PHLDB2: variants seen among roughly 807,000 people sequenced by gnomAD.
PHLDB2 encodes pleckstrin homology like domain family B member 2, also known as pleckstrin homology-like domain family B member 2.
In PHLDB2, 71 loss-of-function variants were observed where a neutral mutation model predicts 123.6. The ratio of observed to expected loss-of-function variants is 0.57; its 90% CI spans 0.47 to 0.70. PHLDB2 has a LOEUF of 0.70. PHLDB2 is among the 30% of genes least tolerant of loss of function. PHLDB2 has a pLI of 0.00. For missense variants in PHLDB2, 1,446 were observed against 1,519.5 expected (o/e 0.95, Z 0.80); for synonymous variants, 547 against 541.6 (o/e 1.01, Z -0.14).
At chr3:111,831,544 C>A (rs1276012685) in intron 1 of PHLDB2, among the ~76,000 whole-genome samples, 5 of 152,102 alleles carry the variant, frequency 3.3e-5, no homozygotes, top group Non-Finnish European at 5.9e-5. Flanking sequence ...CTACAACATA[C>A]CACTATAATA....
At chr3:111,776,400 G>A (rs2060268982) in intron 1 of PHLDB2, among the ~76,000 whole-genome samples, 1 of 151,990 alleles carries the variant, frequency 6.6e-6, no homozygotes, top group Non-Finnish European at 1.5e-5. Flanking sequence ...TATTTTCAAA[G>A]TATTTATAAT....
intron 2 of PHLDB2, among the ~76,000 whole-genome samples, chr3:111,851,239 G>A (rs1341463878): frequency 2.0e-5 from 3 of 148,576 alleles, no homozygotes; most frequent in African/African-American, 4.9e-5. Context: ...TGTTCTTTGC[G>A]ATTCTCCTGA....
At chr3:111,813,106 C>A (rs539066737) in intron 1 of PHLDB2, among the ~76,000 whole-genome samples, 10 of 152,230 alleles carry the variant, frequency 6.6e-5, no homozygotes, top group Admixed American at 4.6e-4. Context: ...TAAAAGACTC[C>A]AGCTGAATGG....
intron 1 of PHLDB2, among the ~76,000 whole-genome samples, chr3:111,807,946 GTT>G (rs11418818): frequency 0.24 from 20,911 of 85,652 alleles, 1,551 homozygotes; most frequent in East Asian, 0.47. Context: ...TAAGCTGGGT[GTT>G]TTTTTTTTTT....
intron 2 of PHLDB2, among the ~76,000 whole-genome samples, chr3:111,903,328 C>T (rs1374278491): frequency 1.3e-5 from 2 of 152,102 alleles, no homozygotes; most frequent in Non-Finnish European, 2.9e-5. Flanking sequence ...GAAGCAACTC[C>T]ACTATACTTA....
intron 1 of PHLDB2, among the ~76,000 whole-genome samples, chr3:111,793,055 AG>A (rs1209775508): frequency 6.6e-6 from 1 of 152,164 alleles, no homozygotes; most frequent in Non-Finnish European, 1.5e-5. Flanking sequence ...GTTCCCTCAA[AG>A]CCCAAGGGCT....
intron 1 of PHLDB2, among the ~76,000 whole-genome samples, chr3:111,814,207 G>A (rs1378760543): frequency 1.3e-5 from 2 of 152,178 alleles, no homozygotes; most frequent in Admixed American, 1.3e-4. Flanking sequence ...ATTAACATTT[G>A]AGTCAGGCTA....
intron 5 of PHLDB2, among the ~76,000 whole-genome samples, chr3:111,925,745 C>CA: frequency 6.6e-6 from 1 of 152,190 alleles, no homozygotes; most frequent in Admixed American, 6.5e-5. Flanking sequence ...ATCCCCATTC[C>CA]AAGGCAGAGC....
At chr3:111,849,919 T>G (rs1260681693) in intron 2 of PHLDB2, among the ~76,000 whole-genome samples, 1 of 151,962 alleles carries the variant, frequency 6.6e-6, no homozygotes, top group Non-Finnish European at 1.5e-5. Context: ...TAGAGTGCAG[T>G]GGCGCGATCT....
At position 111,788,293 on chromosome 3, in the gene PHLDB2, T is replaced by C. The variant is rs543625465; in HGVS notation, c.-49+55590T>C. Reference sequence around the variant, plus strand: ...CCTATGAATGCCATGGGGTTATATCTGGATGACTACCTTCCTATGACCAAA... The same window carrying C: ...CCTATGAATGCCATGGGGTTATATCCGGATGACTACCTTCCTATGACCAAA... On this transcript the variant is annotated intron_variant, in intron 1 of 17. Transcript: ENST00000393923. Among the ~76,000 whole-genome samples, 26 of 152,346 alleles carry C rather than the reference T, an allele frequency of 1.7e-4. No individual in the cohort carries two copies. In the South Asian group the frequency reaches 5.2e-3, roughly 30 times the overall value.
At chr3:111,909,126 C>T (rs2067723788) in intron 2 of PHLDB2, among the ~76,000 whole-genome samples, 1 of 152,084 alleles carries the variant, frequency 6.6e-6, no homozygotes, top group Admixed American at 6.5e-5. Context: ...ATGGAAATGC[C>T]CTGCCCACCC....
At chr3:111,837,336 T>G (rs1423559850) in intron 1 of PHLDB2, among the ~76,000 whole-genome samples, 2 of 152,194 alleles carry the variant, frequency 1.3e-5, no homozygotes, top group African/African-American at 2.4e-5. Context: ...TGAAGTTACA[T>G]TCATTCCTGA....
At chr3:111,768,519 C>G (rs2060120757) in intron 1 of PHLDB2, among the ~76,000 whole-genome samples, 1 of 152,098 alleles carries the variant, frequency 6.6e-6, no homozygotes, top group Non-Finnish European at 1.5e-5. Context: ...CTAGCCCCAA[C>G]CCATGAATGA....
chr3:111,769,091 C>T (rs2060130848), intron 1 of PHLDB2, among the ~76,000 whole-genome samples: 1 of 152,202 alleles, frequency 6.6e-6, no homozygotes, highest in Non-Finnish European at 1.5e-5. Flanking sequence ...TGAAGAACCA[C>T]ATTTAACAGA....
At position 111,966,688 on chromosome 3, in the gene PHLDB2, G is replaced by A; in HGVS notation, c.3153G>A (p.Arg1051=). 2 of 1,612,958 alleles carry A rather than the reference G, an allele frequency of 1.2e-6. No individual in the cohort carries two copies. The highest frequency in any genetic ancestry group is 1.3e-5 in the African/African-American group (1 of 74,926). ...LLKQAHAEKT[R]LLESREREME... is the part of the protein sequence containing the mutation. ...AGCAGGCTCATGCAGAAAAGACGCG[G>A]CTGCTCGAATCCAGGGTAAGCTTCA... The change falls in exon 14 of 18, where the codon CGG becomes CGA. Residue 1051 remains arginine (R), a synonymous_variant. Transcript: ENST00000431670.
In PHLDB2 at chr3:111,913,648, C is replaced by G. The variant is rs755963679; in HGVS notation, c.1665C>G (p.Ser555=). ...SDLTRTPPPP[S]STFPKASSES... is the part of the protein sequence containing the mutation. ...TCACCCGGACTCCTCCACCACCATC[C>G]TCCACCTTTCCGAAAGCTTCCAGCG... The change falls in exon 3 of 18, where the codon TCC becomes TCG. Residue 555 remains serine (S), a synonymous_variant. Coordinates refer to ENST00000431670, the MANE Select transcript of PHLDB2 (RefSeq NM_001134438.2). 6.2e-7 allele frequency: 1 copy of G among 1,614,006 alleles called. No homozygotes were observed.
intron 1 of PHLDB2, among the ~76,000 whole-genome samples, chr3:111,845,216 C>A (rs758698868): frequency 6.6e-6 from 1 of 151,562 alleles, no homozygotes; most frequent in African/African-American, 2.4e-5. Flanking sequence ...TTAGCCAGGC[C>A]TGGTGGCACA....
At chr3:111,958,330 G>C (rs777741792) in intron 12 of PHLDB2, 2 of 989,026 alleles carry the variant, frequency 2.0e-6, no homozygotes, top group Non-Finnish European at 2.4e-6. Flanking sequence ...TAGAAATACT[G>C]GTTAATTTTA....
intron 1 of PHLDB2, among the ~76,000 whole-genome samples, chr3:111,866,930 G>GGTGTGTGTTT (rs2065114736): frequency 1.6e-5 from 2 of 126,004 alleles, no homozygotes; most frequent in Non-Finnish European, 3.4e-5. Flanking sequence ...GTTTCTAAGG[G>GGTGTGTGTTT]GTGTGTGTGT....
Sources: allele counts gnomAD v4.1 joint callset (sites outside exome capture counted in the v4.1 genomes callset), GRCh38; gene constraint gnomAD v4.1.1; transcripts MANE v1.5; gene names NCBI Gene and HGNC (gene_info 2026-07-23, HGNC 2026-07-21).